Variants in CACHD1 observed in about 807,000 individuals in gnomAD.
The protein encoded by CACHD1 is cache domain containing 1.
A neutral mutation model predicts 138.7 loss-of-function variants in CACHD1; 71 were observed. That is an observed-to-expected ratio of 0.51 (90% CI 0.42 to 0.62). CACHD1 has a LOEUF of 0.62. Among genes scored for constraint, CACHD1 ranks in the 20% least tolerant of loss-of-function variants. The probability of loss-of-function intolerance (pLI) is 0.00; values close to 1 mark genes in which losing one functional copy is unlikely to be tolerated. For missense variants in CACHD1, 1,389 were observed against 1,625.3 expected (o/e 0.85, Z 2.50); for synonymous variants, 578 against 591.5 (o/e 0.98, Z 0.33).
chr1:64,605,750 G>A (rs1387555174), intron 4 of CACHD1, among the ~76,000 whole-genome samples: 1 of 152,172 alleles, frequency 6.6e-6, no homozygotes, highest in East Asian at 1.9e-4. Flanking sequence ...GGCAGCCAGG[G>A]CCTCATCCTC....
chr1:64,649,498 T>C (rs1461950578), intron 9 of CACHD1, among the ~76,000 whole-genome samples: 2 of 152,228 alleles, frequency 1.3e-5, no homozygotes, highest in East Asian at 3.8e-4. Context: ...GTAGCTTACA[T>C]TACTGAGTGC....
chr1:64,474,656 G>A (rs751154971), intron 1 of CACHD1, among the ~76,000 whole-genome samples: 21 of 152,220 alleles, frequency 1.4e-4, no homozygotes, highest in South Asian at 4.1e-4. Context: ...TTACATTCTC[G>A]AGGAGGAGAT....
intron 2 of CACHD1, among the ~76,000 whole-genome samples, chr1:64,574,247 C>T (rs557542667): frequency 6.6e-5 from 10 of 152,276 alleles, no homozygotes; most frequent in South Asian, 6.2e-4. Flanking sequence ...CACTGAGCCT[C>T]GATTTCCTTG....
intron 2 of CACHD1, among the ~76,000 whole-genome samples, chr1:64,575,269 C>T (rs949065753): frequency 6.6e-6 from 1 of 152,088 alleles, no homozygotes; most frequent in African/African-American, 2.4e-5. Context: ...AGCTAATAAG[C>T]GAGAGAGCTC....
chr1:64,639,670 A>G lies in CACHD1; in HGVS notation c.1007-2150A>G, dbSNP rs373625757. 6.1e-4 allele frequency among the ~76,000 whole-genome samples: 93 copies of G among 152,372 alleles called. 2 individuals are homozygous for G. In the South Asian group the frequency reaches 0.018, roughly 30 times the overall value. On this transcript the variant is annotated intron_variant, in intron 7 of 26. Transcript: ENST00000651257. The stretch of plus-strand genomic sequence containing the variant: ...TGTTAAATTCTGCCTAATAAAGAAT[A>G]CTTAAATCTAAAATGGAAATGTATA...
At chr1:64,486,733 T>C (rs1646245555) in intron 1 of CACHD1, among the ~76,000 whole-genome samples, 1 of 152,192 alleles carries the variant, frequency 6.6e-6, no homozygotes, top group South Asian at 2.1e-4. Flanking sequence ...TGAACTTCTG[T>C]TATGCACAAG....
chr1:64,590,833 T>C (rs1223442010), intron 3 of CACHD1, among the ~76,000 whole-genome samples: 1 of 152,232 alleles, frequency 6.6e-6, no homozygotes, highest in Non-Finnish European at 1.5e-5. Flanking sequence ...AAATTATACC[T>C]GAGTCATGTA....
intron 1 of CACHD1, among the ~76,000 whole-genome samples, chr1:64,502,080 AGTT>A (rs934712967): frequency 3.3e-4 from 51 of 152,312 alleles, no homozygotes; most frequent in African/African-American, 1.0e-3. Flanking sequence ...ATGTTTTCCC[AGTT>A]GTTGTTGTTT....
chr1:64,561,395 G>GA (rs900268756), intron 2 of CACHD1, among the ~76,000 whole-genome samples: 13 of 151,918 alleles, frequency 8.6e-5, no homozygotes, highest in African/African-American at 1.7e-4. Flanking sequence ...GAAGTTAAAA[G>GA]AAAAAATATT....
At chr1:64,493,541 C>T (rs1304669074) in intron 1 of CACHD1, among the ~76,000 whole-genome samples, 1 of 152,214 alleles carries the variant, frequency 6.6e-6, no homozygotes, top group East Asian at 1.9e-4. Flanking sequence ...CTTCTTACAA[C>T]TTAGAGGAAG....
chr1:64,648,102 T>G, intron 9 of CACHD1, 68 bp downstream of exon 9: 2 of 1,212,188 alleles, frequency 1.6e-6, no homozygotes. Flanking sequence ...TGGCACCTCT[T>G]TCTCAGGATC....
chr1:64,526,165 A>C (rs1362616980), intron 1 of CACHD1, among the ~76,000 whole-genome samples: 1 of 152,142 alleles, frequency 6.6e-6, no homozygotes, highest in Non-Finnish European at 1.5e-5. Flanking sequence ...GTGTAATTGC[A>C]ATGGTGTCCA....
intron 10 of CACHD1, among the ~76,000 whole-genome samples, 163 bp from the exon 11 acceptor site, chr1:64,653,595 A>G (rs1242662796): frequency 2.0e-5 from 3 of 152,190 alleles, no homozygotes; most frequent in African/African-American, 7.2e-5. Flanking sequence ...AGTTTTATGT[A>G]AGCACATATA....
intron 7 of CACHD1, among the ~76,000 whole-genome samples, chr1:64,637,356 T>A (rs1457665495): frequency 6.6e-6 from 1 of 152,194 alleles, no homozygotes; most frequent in East Asian, 1.9e-4. Context: ...GGGTAGCTGC[T>A]CCTCTGTTCA....
chr1:64,654,564 T>A, intron 11 of CACHD1, 122 bp from the exon 12 acceptor site: 1 of 691,928 alleles, frequency 1.4e-6, no homozygotes. Context: ...TCAAAACTGA[T>A]GAGCTTCTTT....
Position 64,682,067 on chromosome 1 carries a change from C to T in CACHD1, c.3547C>T (p.Arg1183Cys), listed in dbSNP as rs756541202. The T allele has an allele frequency of 1.1e-5, 17 of 1,614,028 alleles. No individual in the cohort carries two copies. Among genetic ancestry groups the T allele is most frequent in the South Asian group, 3.3e-5 (3 of 91,068 alleles). Reference protein sequence around the residue: ...ERHAHSPERRRRYWGRSGTES... With the variant: ...ERHAHSPERRCRYWGRSGTES... ...ACATGCACACAGTCCAGAAAGAAGG[C>T]GCCGCTACTGGGGTCGATCAGGAAC... is the stretch of plus-strand genomic sequence containing the variant. Residue 1183 changes from arginine (R) to cysteine (C), a missense_variant, in exon 26 of 27, where the codon CGC (arginine) becomes TGC (cysteine). Physicochemically the swap from Arg to Cys is radical, Grantham distance 180 (BLOSUM62 -3). Coordinates refer to ENST00000651257, the MANE Select transcript of CACHD1 (RefSeq NM_020925.4).
chr1:64,680,541 G>A (rs549041134), intron 24 of CACHD1, among the ~76,000 whole-genome samples: 1 of 151,790 alleles, frequency 6.6e-6, no homozygotes, highest in Non-Finnish European at 1.5e-5. Flanking sequence ...TATAATCATG[G>A]CCTCAATACC....
At chr1:64,517,523 A>G (rs1344020430) in intron 1 of CACHD1, among the ~76,000 whole-genome samples, 1 of 152,294 alleles carries the variant, frequency 6.6e-6, no homozygotes, top group Non-Finnish European at 1.5e-5. Context: ...ATGATAATTG[A>G]GCAAGAACTC....
At chr1:64,635,874 G>T (rs1648508307) in intron 7 of CACHD1, among the ~76,000 whole-genome samples, 1 of 151,804 alleles carries the variant, frequency 6.6e-6, no homozygotes, top group Non-Finnish European at 1.5e-5. Context: ...CCCTTTGGGA[G>T]GCTGAGGTGG....
Sources: gnomAD v4.1 joint callset for allele counts (sites outside exome capture counted in the v4.1 genomes callset) on GRCh38, gnomAD v4.1.1 for gene constraint, MANE v1.5 for transcripts, NCBI Gene and HGNC (gene_info 2026-07-23, HGNC 2026-07-21) for gene names.